SEPSECS: variants seen among roughly 807,000 people sequenced by gnomAD.
SEPSECS encodes the protein O-phosphoseryl-tRNA(Sec) selenium transferase.
In SEPSECS, 42 loss-of-function variants were observed where a neutral mutation model predicts 52.1. That is an observed-to-expected ratio of 0.81 (90% CI 0.63 to 1.04). SEPSECS has a LOEUF of 1.04. Ranked by LOEUF, SEPSECS falls within the 50% of genes least tolerant of loss-of-function variation. The pLI, the probability that SEPSECS is intolerant of heterozygous loss-of-function variation, is 0.00. For missense variants in SEPSECS, 590 were observed against 610.6 expected, an observed-to-expected ratio of 0.97 and a Z score of 0.36; for synonymous variants, 216 against 211.4, an observed-to-expected ratio of 1.02 and a Z score of -0.19.
intron 8 of SEPSECS, among the ~76,000 whole-genome samples, chr4:25,139,462 C>T (rs1416441700): frequency 2.1e-5 from 3 of 141,350 alleles, no homozygotes; most frequent in African/African-American, 7.9e-5. Flanking sequence ...TCTCAGCTCA[C>T]TGCAACTTCC....
At chr4:25,124,327 T>C in intron 10 of SEPSECS, 102 bp from the exon 11 acceptor site, 1 of 1,136,956 alleles carries the variant, frequency 8.8e-7, no homozygotes. Context: ...ATCCACTTAT[T>C]ACGAAGTTTA....
At chr4:25,127,154 T>C (rs754482205) in intron 9 of SEPSECS, 110 bp downstream of exon 9, 5 of 710,180 alleles carry the variant, frequency 7.0e-6, no homozygotes, top group Non-Finnish European at 1.2e-5. Context: ...CTGTGATGAA[T>C]TTATAAATAT....
At chr4:25,151,024 G>A (rs1177937552) in intron 6 of SEPSECS, among the ~76,000 whole-genome samples, 1 of 152,040 alleles carries the variant, frequency 6.6e-6, no homozygotes, top group Non-Finnish European at 1.5e-5. Flanking sequence ...AGCAAGGAAG[G>A]GGGAGGTGTT....
At chr4:25,130,095 C>A (rs1728552450) in intron 8 of SEPSECS, among the ~76,000 whole-genome samples, 2 of 152,190 alleles carry the variant, frequency 1.3e-5, no homozygotes. Flanking sequence ...AACAACATAA[C>A]CCACATCCAT....
chr4:25,159,288 T>G (rs1302786012), intron 1 of SEPSECS, among the ~76,000 whole-genome samples, 181 bp from the exon 2 acceptor site: 1 of 152,202 alleles, frequency 6.6e-6, no homozygotes, highest in Non-Finnish European at 1.5e-5. Flanking sequence ...TACATTTGAT[T>G]ACAATTATTT....
intron 8 of SEPSECS, among the ~76,000 whole-genome samples, chr4:25,129,024 C>T (rs1457779402): frequency 6.6e-6 from 1 of 152,176 alleles, no homozygotes; most frequent in Non-Finnish European, 1.5e-5. Flanking sequence ...ACCCAGTACA[C>T]ATATTTTATA....
At chr4:25,156,700 T>A (rs1712669018) in intron 3 of SEPSECS, among the ~76,000 whole-genome samples, 156 bp downstream of exon 3, 2 of 82,260 alleles carry the variant, frequency 2.4e-5, no homozygotes, top group Non-Finnish European at 4.1e-5. Context: ...AGAGCTAGAC[T>A]CCGTCTCAAA....
chr4:25,149,576 G>A (rs541786398), intron 6 of SEPSECS, among the ~76,000 whole-genome samples: 1 of 152,078 alleles, frequency 6.6e-6, no homozygotes, highest in South Asian at 2.1e-4. Flanking sequence ...AATTGTTAAG[G>A]GTATTTGTTA....
chr4:25,155,911 A>T (rs1335294502), intron 4 of SEPSECS, 126 bp downstream of exon 4: 2 of 873,570 alleles, frequency 2.3e-6, no homozygotes, highest in Non-Finnish European at 3.5e-6. Flanking sequence ...TATATTTTAC[A>T]ATTTTTTCTT....
In SEPSECS at chr4:25,121,170, A is replaced by C. The variant is rs976556890; in HGVS notation, c.*2761T>G. ...TTTACAGTTGAACACCAGGTTCCTA[A>C]GGCTGGCGTCACATATCATTCCCTG... On this transcript the variant is annotated 3_prime_UTR_variant, in exon 11 of 11. Transcript: ENST00000382103. 1 of 152,158 alleles carries C rather than the reference A, an allele frequency of 6.6e-6. No individual in the cohort carries two copies. The highest frequency in any genetic ancestry group is 2.4e-5 in the African/African-American group (1 of 41,452). The allele number at this position is 152,158 out of a possible 1,614,324, so 9.4% of individuals were successfully genotyped here.
chr4:25,159,761 G>A, intron 1 of SEPSECS: 1 of 1,047,212 alleles, frequency 9.5e-7, no homozygotes, highest in Non-Finnish European at 1.2e-6. Context: ...GAAAGAGCGA[G>A]ACTCTGTTTC....
At chr4:25,153,718 A>G (rs552402505) in intron 5 of SEPSECS, among the ~76,000 whole-genome samples, 1 of 152,202 alleles carries the variant, frequency 6.6e-6, no homozygotes, top group East Asian at 1.9e-4. Context: ...AATTTAATAA[A>G]GTCAGAAATT....
intron 8 of SEPSECS, among the ~76,000 whole-genome samples, chr4:25,133,833 G>A (rs1006704520): frequency 6.6e-6 from 1 of 151,438 alleles, no homozygotes; most frequent in African/African-American, 2.4e-5. Context: ...AAAAAAAAAA[G>A]GCTTGGTGCA....
Position 25,125,742 on chromosome 4 carries a change from A to T in SEPSECS, c.1163T>A (p.Val388Asp). 1 of 1,613,272 alleles carries T rather than the reference A, an allele frequency of 6.2e-7. No homozygotes were observed. The highest frequency in any genetic ancestry group is 8.5e-7 in the Non-Finnish European group (1 of 1,179,504). Residue 388 changes from valine (V) to aspartate (D), a missense_variant, in exon 10 of 11, where the codon GTC becomes GAC. Coordinates refer to ENST00000382103, the MANE Select transcript of SEPSECS (RefSeq NM_016955.4). ...AAAAAGCATCGAGCCAAGCTGAGTG[A>T]CAGCTTTGTCACGGTGTTCATCTAG... ...KTLDEHRDKA[V>D]TQLGSMLFTR...
At chr4:25,133,752 T>C (rs2109010423) in intron 8 of SEPSECS, among the ~76,000 whole-genome samples, 1 of 152,210 alleles carries the variant, frequency 6.6e-6, no homozygotes, top group Admixed American at 6.5e-5. Flanking sequence ...TTTTTGACTA[T>C]ATCCATATAG....
chr4:25,140,234 T>C (rs1729005987), intron 8 of SEPSECS, among the ~76,000 whole-genome samples: 1 of 152,244 alleles, frequency 6.6e-6, no homozygotes, highest in South Asian at 2.1e-4. Flanking sequence ...CAGGACCACC[T>C]GGAGTCAGGG....
At chr4:25,141,104 A>G (rs949092463) in intron 8 of SEPSECS, among the ~76,000 whole-genome samples, 4 of 152,188 alleles carry the variant, frequency 2.6e-5, no homozygotes, top group Non-Finnish European at 5.9e-5. Flanking sequence ...ATACTATGTC[A>G]GTTTATATAC....
intron 8 of SEPSECS, among the ~76,000 whole-genome samples, chr4:25,137,367 GAAAAAAAATC>G (rs1246852153): frequency 6.6e-6 from 1 of 151,814 alleles, no homozygotes; most frequent in Non-Finnish European, 1.5e-5. Context: ...AAATTTACAA[GAAAAAAAATC>G]AAACAACCCC....
At chr4:25,137,865 C>T (rs567171781) in intron 8 of SEPSECS, among the ~76,000 whole-genome samples, 102 of 152,306 alleles carry the variant, frequency 6.7e-4, no homozygotes, top group African/African-American at 2.4e-3. Context: ...CACATCTACA[C>T]CATGGAATAC....
Sources: allele counts gnomAD v4.1 joint callset (sites outside exome capture counted in the v4.1 genomes callset), GRCh38; gene constraint gnomAD v4.1.1; transcripts MANE v1.5; gene names NCBI Gene and HGNC (gene_info 2026-07-23, HGNC 2026-07-21).